The following JMJD1C variants were observed in gnomAD, a reference collection of about 807,000 sequenced individuals.
The protein encoded by JMJD1C is jumonji domain containing 1C.
In JMJD1C, 31 loss-of-function variants were observed where a neutral mutation model predicts 245.3. The observed-to-expected ratio is 0.13, with a 90% CI of 0.09 to 0.17. The LOEUF (loss-of-function observed/expected upper bound fraction) is 0.17. JMJD1C is among the 10% of genes least tolerant of loss of function. The pLI is 1.00. For synonymous variants in JMJD1C, 1,057 were observed against 1,017.4 expected, an observed-to-expected ratio of 1.04 and a Z score of -0.74; for missense variants, 2,691 against 3,000.2, an observed-to-expected ratio of 0.90 and a Z score of 2.41.
At chr10:63,473,174 G>GA (rs1423725798) in intron 1 of JMJD1C, among the ~76,000 whole-genome samples, 1 of 151,814 alleles carries the variant, frequency 6.6e-6, no homozygotes, top group Non-Finnish European at 1.5e-5. Flanking sequence ...TAATAAAGAT[G>GA]AAAAAAACAT....
chr10:63,406,253 C>T (rs1208906523), intron 1 of JMJD1C, among the ~76,000 whole-genome samples: 1 of 152,072 alleles, frequency 6.6e-6, no homozygotes, highest in Non-Finnish European at 1.5e-5. Flanking sequence ...TATCTAGTCA[C>T]TTTTAAATTT....
intron 2 of JMJD1C, among the ~76,000 whole-genome samples, chr10:63,314,487 G>T (rs1027861442): frequency 6.6e-6 from 1 of 152,200 alleles, no homozygotes; most frequent in Admixed American, 6.5e-5. Context: ...CTGAGCAAGG[G>T]AAGTCGAGGC....
Position 63,208,098 on chromosome 10 carries a change from C to T in JMJD1C, c.3571G>A (p.Val1191Ile), listed in dbSNP as rs748767610. The T allele has an allele frequency of 6.2e-7, 1 of 1,614,070 alleles. No homozygotes were observed. The highest frequency in any genetic ancestry group is 1.1e-5 in the South Asian group (1 of 91,082). ...NDCRSPTHLT[V>I]SSTNTLRSMP... ...CTGCGGAGTGTATTTGTAGAAGAAA[C>T]TGTCAAATGGGTAGGACTCCTACAA... Residue 1191 changes from valine (V) to isoleucine (I), a missense_variant, in exon 10 of 26, where the codon GTT becomes ATT. Coordinates refer to ENST00000399262, the MANE Select transcript of JMJD1C (RefSeq NM_032776.3).
chr10:63,243,413 C>G (rs1297999484), intron 3 of JMJD1C, among the ~76,000 whole-genome samples: 3 of 151,916 alleles, frequency 2.0e-5, no homozygotes, highest in Non-Finnish European at 4.4e-5. Flanking sequence ...GTAATCCCAG[C>G]TACTTGGGAG....
chr10:63,466,090 GC>G, upstream of JMJD1C: 1 of 198,482 alleles, frequency 5.0e-6, no homozygotes, highest in Non-Finnish European at 1.0e-5. Flanking sequence ...GGAAAGTAGT[GC>G]CCGGCCCTGC....
At chr10:63,313,552 C>T (rs768433067) in intron 2 of JMJD1C, among the ~76,000 whole-genome samples, 4 of 152,204 alleles carry the variant, frequency 2.6e-5, no homozygotes, top group Non-Finnish European at 2.9e-5. Context: ...AGTTTACATT[C>T]CCACCAGCGG....
At chr10:63,338,973 G>C (rs982510639) in intron 2 of JMJD1C, among the ~76,000 whole-genome samples, 2 of 152,120 alleles carry the variant, frequency 1.3e-5, no homozygotes, top group African/African-American at 2.4e-5. Context: ...TCTTCATCTT[G>C]TGTAGTATGA....
At chr10:63,251,214 T>TA (rs1336597678) in intron 3 of JMJD1C, among the ~76,000 whole-genome samples, 4 of 152,202 alleles carry the variant, frequency 2.6e-5, no homozygotes, top group Admixed American at 1.3e-4. Flanking sequence ...GGCTATTCCA[T>TA]AAATGGCAAA....
chr10:63,457,831 T>C (rs1335738078), intron 1 of JMJD1C, among the ~76,000 whole-genome samples: 1 of 152,194 alleles, frequency 6.6e-6, no homozygotes, highest in African/African-American at 2.4e-5. Flanking sequence ...CACTTACTGA[T>C]TGTGTGATTT....
chr10:63,489,104 A>C (rs1312399315), intron 1 of JMJD1C, among the ~76,000 whole-genome samples: 2 of 152,154 alleles, frequency 1.3e-5, no homozygotes, highest in African/African-American at 4.8e-5. Flanking sequence ...AGTCATTTAA[A>C]AAGTAAAAAA....
chr10:63,415,178 T>C (rs1949729222), intron 1 of JMJD1C, among the ~76,000 whole-genome samples: 1 of 152,126 alleles, frequency 6.6e-6, no homozygotes, highest in African/African-American at 2.4e-5. Context: ...TTTTTCCTTA[T>C]ATAAAATGAC....
intron 1 of JMJD1C, among the ~76,000 whole-genome samples, chr10:63,398,925 G>A (rs1227412219): frequency 3.3e-5 from 5 of 152,202 alleles, no homozygotes; most frequent in Middle Eastern, 3.2e-3. Context: ...GGCATTACAC[G>A]TGGGAGCCAC....
At chr10:63,481,818 C>A (rs1953839439) in intron 1 of JMJD1C, among the ~76,000 whole-genome samples, 1 of 152,070 alleles carries the variant, frequency 6.6e-6, no homozygotes, top group Admixed American at 6.6e-5. Flanking sequence ...CAAACAGGAG[C>A]TGGAGGAAGT....
intron 1 of JMJD1C, among the ~76,000 whole-genome samples, chr10:63,387,808 TG>T (rs1947747396): frequency 6.6e-6 from 1 of 151,534 alleles, no homozygotes; most frequent in Non-Finnish European, 1.5e-5. Flanking sequence ...GCTAATTTTT[TG>T]TATTTTTAGT....
chr10:63,417,515 T>A (rs1450474732), intron 1 of JMJD1C, among the ~76,000 whole-genome samples: 2 of 152,176 alleles, frequency 1.3e-5, no homozygotes, highest in Non-Finnish European at 2.9e-5. Flanking sequence ...CTTTGCCCAA[T>A]GGCCCTCATA....
intron 2 of JMJD1C, among the ~76,000 whole-genome samples, chr10:63,307,968 G>A (rs9415688): frequency 0.015 from 2,243 of 151,936 alleles, 51 homozygotes; most frequent in African/African-American, 0.051. Context: ...TGGCCTACAC[G>A]GTGTAAACCT....
At chr10:63,513,100 C>T (rs962894950) in intron 1 of JMJD1C, among the ~76,000 whole-genome samples, 1 of 152,066 alleles carries the variant, frequency 6.6e-6, no homozygotes, top group Non-Finnish European at 1.5e-5. Context: ...TCCTTTAAAG[C>T]CTTTTGCATG....
At chr10:63,510,637 G>A (rs4746156) in intron 1 of JMJD1C, among the ~76,000 whole-genome samples, 150,065 of 152,320 alleles carry the variant, frequency 0.99, 73,955 homozygotes, top group Middle Eastern at 1. Context: ...TGAATGTTCC[G>A]TGTAAGCTTG....
intron 2 of JMJD1C, among the ~76,000 whole-genome samples, chr10:63,330,317 CA>C (rs1369260942): frequency 6.6e-6 from 1 of 152,084 alleles, no homozygotes; most frequent in Non-Finnish European, 1.5e-5. Flanking sequence ...TAGAATTTAA[CA>C]TAAGTCAAAG....
Sources: allele counts gnomAD v4.1 joint callset (sites outside exome capture counted in the v4.1 genomes callset), GRCh38; gene constraint gnomAD v4.1.1; transcripts MANE v1.5; gene names NCBI Gene and HGNC (gene_info 2026-07-23, HGNC 2026-07-21).